Variants in NIPSNAP3B observed in about 807,000 individuals in gnomAD.
NIPSNAP3B encodes protein NipSnap homolog 3B.
A neutral mutation model predicts 31.5 loss-of-function variants in NIPSNAP3B; 30 were observed. The ratio of observed to expected loss-of-function variants is 0.95; its 90% CI spans 0.71 to 1.29. The LOEUF (loss-of-function observed/expected upper bound fraction) is 1.29, where lower values mean the gene tolerates loss of function less well. Ranked by LOEUF, NIPSNAP3B falls within the 50% of genes most tolerant of loss-of-function variation. The pLI is 0.00. For missense variants in NIPSNAP3B, 269 were observed against 300.7 expected (o/e 0.89, Z 0.78); for synonymous variants, 106 against 107.9 (o/e 0.98, Z 0.11).
the NIPSNAP3B span, among the ~76,000 whole-genome samples, chr9:104,789,796 A>G: frequency 7.2e-5 from 11 of 152,116 alleles, no homozygotes; most frequent in African/African-American, 2.7e-4. Flanking sequence ...ATCTCTCCAC[A>G]TAATAAGTCC....
chr9:104,786,211 TG>T, the NIPSNAP3B span: 8 of 1,147,742 alleles, frequency 7.0e-6, no homozygotes, highest in Non-Finnish European at 1.0e-5. Context: ...TTTCCCTTTA[TG>T]TTAGAGGCAC....
chr9:104,784,536 T>A, the NIPSNAP3B span: 1 of 1,547,662 alleles, frequency 6.5e-7, no homozygotes, highest in Non-Finnish European at 8.9e-7. Flanking sequence ...TTCCAGATGT[T>A]GAAATTAGGT....
the NIPSNAP3B span, chr9:104,788,369 G>T: frequency 6.2e-7 from 1 of 1,612,042 alleles, no homozygotes; most frequent in Non-Finnish European, 8.5e-7. Flanking sequence ...AAAGCCATAA[G>T]GTATATATTG....
chr9:104,777,780 T>C (rs1371648668), downstream of NIPSNAP3B, among the ~76,000 whole-genome samples: 1 of 151,598 alleles, frequency 6.6e-6, no homozygotes, highest in African/African-American at 2.4e-5. Flanking sequence ...TGTCCTGTTT[T>C]CTGTTTCCCT....
the NIPSNAP3B span, among the ~76,000 whole-genome samples, chr9:104,789,914 T>C: frequency 1.1e-3 from 169 of 152,118 alleles, 1 homozygote; most frequent in Middle Eastern, 6.8e-3. Context: ...GCCAACATGG[T>C]GAAACCCCAT....
At position 104,777,485 on chromosome 9, in the gene NIPSNAP3B, G is replaced by A. The variant is rs1828360891; in HGVS notation, c.*4412G>A. ...GTTTTCTTTAGTGACAGTTGGCCCA[G>A]GATCCTAAGGTAAAGGAGTATGGGC... On this transcript the variant is annotated 3_prime_UTR_variant, in exon 6 of 6. Coordinates refer to ENST00000374762, the MANE Select transcript of NIPSNAP3B (RefSeq NM_018376.4). The A allele has an allele frequency of 6.6e-6, 1 of 152,194 alleles. No individual in the cohort carries two copies. Among genetic ancestry groups the A allele is most frequent in the Non-Finnish European group, 1.5e-5 (1 of 68,040 alleles). The allele number at this position is 152,194 out of a possible 1,614,324, so 9.4% of individuals were successfully genotyped here.
At position 104,777,150 on chromosome 9, in the gene NIPSNAP3B, A is replaced by G. The variant is rs991444855; in HGVS notation, c.*4077A>G. Reference sequence around the variant, plus strand: ...CAGGAAGAGAAACAGATATGCAACCAATCTGATTTGGTTCCACACCCTGCC... The same window carrying G: ...CAGGAAGAGAAACAGATATGCAACCGATCTGATTTGGTTCCACACCCTGCC... On this transcript the variant is annotated 3_prime_UTR_variant, in exon 6 of 6. Coordinates refer to ENST00000374762, the MANE Select transcript of NIPSNAP3B (RefSeq NM_018376.4). 6.6e-5 allele frequency: 10 copies of G among 152,364 alleles called. No individual in the cohort carries two copies. Among genetic ancestry groups the G allele is most frequent in the Admixed American group, 3.3e-4 (5 of 15,306 alleles). 9.4% of individuals were successfully genotyped at this position (152,364 alleles called of 1,614,324 possible).
chr9:104,764,162 T>A lies in NIPSNAP3B; in HGVS notation c.-79T>A, dbSNP rs1007690492. On this transcript the variant is annotated 5_prime_UTR_variant, in exon 1 of 6. Coordinates refer to ENST00000374762, the MANE Select transcript of NIPSNAP3B (RefSeq NM_018376.4). ...AGTTCGCCAGTGGTCCAGGAGCCGC[T>A]TTTTTCCACTCGGGAAGACTTCAGA... 2.8e-6 allele frequency: 4 copies of A among 1,412,828 alleles called. No individual in the cohort carries two copies. The East Asian group carries it at 1.0e-4, about 36-fold the overall frequency. 87.5% of individuals were successfully genotyped at this position (1,412,828 alleles called of 1,614,324 possible).
intron 3 of NIPSNAP3B, among the ~76,000 whole-genome samples, chr9:104,769,763 G>T (rs935068352): frequency 1.3e-5 from 2 of 152,110 alleles, no homozygotes; most frequent in Non-Finnish European, 2.9e-5. Context: ...AAATCATTAA[G>T]TACATCTTTG....
Position 104,775,738 on chromosome 9 carries a change from G to C in NIPSNAP3B, c.*2665G>C, listed in dbSNP as rs1395914757. 6.6e-6 allele frequency among the ~76,000 whole-genome samples: 1 copy of C among 152,142 alleles called. No individual in the cohort carries two copies. The highest frequency in any genetic ancestry group is 1.5e-5 in the Non-Finnish European group (1 of 68,020). On this transcript the variant is annotated 3_prime_UTR_variant, in exon 6 of 6. Coordinates refer to ENST00000374762, the MANE Select transcript of NIPSNAP3B (RefSeq NM_018376.4). Reference sequence around the variant, plus strand: ...CCCTCTTGTCCAAAACTGAGCTCTTGATCTTTAACCAGAAACTTTATCTCA... The same window carrying C: ...CCCTCTTGTCCAAAACTGAGCTCTTCATCTTTAACCAGAAACTTTATCTCA...
rs971854601 is a variant in NIPSNAP3B at position 104,776,042 on chromosome 9, A to G, written c.*2969A>G. 2.0e-5 allele frequency among the ~76,000 whole-genome samples: 3 copies of G among 152,132 alleles called. No individual in the cohort carries two copies. Among genetic ancestry groups the G allele is most frequent in the African/African-American group, 7.2e-5 (3 of 41,412 alleles). On this transcript the variant is annotated 3_prime_UTR_variant, in exon 6 of 6. Coordinates refer to ENST00000374762, the MANE Select transcript of NIPSNAP3B (RefSeq NM_018376.4). Reference sequence around the variant, plus strand: ...TAATCTAAAATATAAACCAGATCATATCACTCCTCTGCTCAACACCCCCTC... The same window carrying G: ...TAATCTAAAATATAAACCAGATCATGTCACTCCTCTGCTCAACACCCCCTC...
the NIPSNAP3B span, among the ~76,000 whole-genome samples, chr9:104,790,206 A>G: frequency 6.6e-6 from 1 of 152,110 alleles, no homozygotes; most frequent in Non-Finnish European, 1.5e-5. Context: ...TTGCTTTGTG[A>G]CCTGTGCAGT....
In NIPSNAP3B at chr9:104,772,920, C is replaced by CA; in HGVS notation, c.667+13dup. The CA allele has an allele frequency of 6.2e-7, 1 of 1,613,624 alleles. No individual in the cohort carries two copies. Among genetic ancestry groups the CA allele is most frequent in the Non-Finnish European group, 8.5e-7 (1 of 1,179,800 alleles). The stretch of plus-strand genomic sequence containing the variant: ...AGTTGTGGCGGCTGGTAAGCTGTTT[C>CA]ACTAAGCACGAATTATTTTTAGAAC... On this transcript the variant is annotated intron_variant, in intron 5 of 5. Transcript: ENST00000374762.
At chr9:104,768,657 G>A (rs1449494603) in intron 2 of NIPSNAP3B, among the ~76,000 whole-genome samples, 1 of 152,124 alleles carries the variant, frequency 6.6e-6, no homozygotes, top group African/African-American at 2.4e-5. Flanking sequence ...TGTCAATTAA[G>A]TTAGTTTTTT....
chr9:104,773,107 G>A lies in NIPSNAP3B; in HGVS notation c.*34G>A. On this transcript the variant is annotated 3_prime_UTR_variant, in exon 6 of 6. Transcript: ENST00000374762. ...TGAAATACAAAACATTTCATTAACTGCTCTAAGATGTGTCTGCTAATGGTG... is the reference window on the plus strand; with the variant it reads ...TGAAATACAAAACATTTCATTAACTACTCTAAGATGTGTCTGCTAATGGTG... 3.1e-6 allele frequency: 5 copies of A among 1,588,474 alleles called. No individual in the cohort carries two copies. Among genetic ancestry groups the A allele is most frequent in the Non-Finnish European group, 4.3e-6 (5 of 1,158,368 alleles).
At position 104,766,371 on chromosome 9, in the gene NIPSNAP3B, T is replaced by G. The variant is rs769064472; in HGVS notation, c.107T>G (p.Phe36Cys). 9 of 1,613,810 alleles carry G rather than the reference T, an allele frequency of 5.6e-6. No individual in the cohort carries two copies. Among genetic ancestry groups the G allele is most frequent in the Non-Finnish European group, 7.6e-6 (9 of 1,179,746 alleles). The change falls in exon 2 of 6, where the codon TTC becomes TGC. Residue 36 changes from phenylalanine to cysteine, a missense_variant. Physicochemically the swap from Phe to Cys is radical, Grantham distance 205. Coordinates refer to ENST00000374762, the MANE Select transcript of NIPSNAP3B (RefSeq NM_018376.4). The stretch of plus-strand genomic sequence containing the variant: ...GGCCCTAGACAATACGATGGAACGT[T>G]CTATGAATTTCGTACTTATTACCTT... ...ATGPRQYDGT[F>C]YEFRTYYLKP...
chr9:104,765,994 T>C (rs942422524), intron 1 of NIPSNAP3B, among the ~76,000 whole-genome samples: 1 of 152,198 alleles, frequency 6.6e-6, no homozygotes, highest in African/African-American at 2.4e-5. Context: ...GGGAAAACCC[T>C]TTGTAAATTA....
At chr9:104,778,831 CAGT>C (rs2118816653), downstream of NIPSNAP3B, among the ~76,000 whole-genome samples, 1 of 152,282 alleles carries the variant, frequency 6.6e-6, no homozygotes, top group East Asian at 1.9e-4. Flanking sequence ...CTTTCTGAAA[CAGT>C]AGGTCACACC....
the NIPSNAP3B span, among the ~76,000 whole-genome samples, chr9:104,784,825 G>A: frequency 1.3e-5 from 2 of 152,090 alleles, no homozygotes. Context: ...TGTATTTTTA[G>A]TAGAGACGGG....
Sources: allele counts gnomAD v4.1 joint callset (sites outside exome capture counted in the v4.1 genomes callset), GRCh38; gene constraint gnomAD v4.1.1; transcripts MANE v1.5; gene names NCBI Gene and HGNC (gene_info 2026-07-23, HGNC 2026-07-21).